BRINP3: variants seen among roughly 807,000 people sequenced by gnomAD.
BRINP3 encodes the protein BMP/retinoic acid-inducible neural-specific protein 3.
A neutral mutation model predicts 71.0 loss-of-function variants in BRINP3; 19 were observed. The ratio of observed to expected loss-of-function variants is 0.27; its 90% CI spans 0.19 to 0.39. The LOEUF is 0.39. BRINP3 is among the 10% of genes least tolerant of loss of function. The pLI is 1.00. For missense variants in BRINP3, 959 were observed against 940.8 expected (o/e 1.02, Z -0.25); for synonymous variants, 380 against 337.7 (o/e 1.13, Z -1.37).
chr1:190,286,013 A>G (rs1263941064), intron 2 of BRINP3, among the ~76,000 whole-genome samples: 1 of 152,164 alleles, frequency 6.6e-6, no homozygotes, highest in Non-Finnish European at 1.5e-5. Flanking sequence ...AAGTCTTTCA[A>G]TTAAATAGGC....
At chr1:190,192,481 T>C (rs1654121953) in intron 6 of BRINP3, among the ~76,000 whole-genome samples, 1 of 152,016 alleles carries the variant, frequency 6.6e-6, no homozygotes, top group African/African-American at 2.4e-5. Context: ...ATATGTTCCA[T>C]GAACCAGCAT....
chr1:190,152,589 T>G (rs2102427454), intron 7 of BRINP3, among the ~76,000 whole-genome samples: 1 of 114,554 alleles, frequency 8.7e-6, no homozygotes, highest in South Asian at 3.1e-4. Flanking sequence ...ATTGTCAAAA[T>G]CAGCTATCTA....
chr1:190,372,895 A>G (rs1669952196), intron 2 of BRINP3, among the ~76,000 whole-genome samples: 2 of 152,190 alleles, frequency 1.3e-5, no homozygotes, highest in African/African-American at 4.8e-5. Context: ...TAATATCAAC[A>G]AAAAATCTAA....
intron 1 of BRINP3, among the ~76,000 whole-genome samples, chr1:190,466,719 C>T (rs144276480): frequency 0.018 from 2,744 of 151,520 alleles, 51 homozygotes; most frequent in Middle Eastern, 0.051. Context: ...GTAGTTTAGG[C>T]AACATGAGGC....
At chr1:190,392,812 T>A (rs1288189618) in intron 2 of BRINP3, among the ~76,000 whole-genome samples, 2 of 151,688 alleles carry the variant, frequency 1.3e-5, no homozygotes, top group Admixed American at 6.6e-5. Flanking sequence ...AATTAATAAA[T>A]AATTTGAGGC....
chr1:190,447,030 A>G (rs1675263280), intron 2 of BRINP3, among the ~76,000 whole-genome samples: 1 of 151,898 alleles, frequency 6.6e-6, no homozygotes, highest in African/African-American at 2.4e-5. Context: ...TTCATAATTT[A>G]AGTTAGAAGG....
chr1:190,293,255 C>CT (rs1444399727), intron 2 of BRINP3, among the ~76,000 whole-genome samples: 1 of 151,726 alleles, frequency 6.6e-6, no homozygotes, highest in Non-Finnish European at 1.5e-5. Flanking sequence ...TTAAATTTTT[C>CT]TTTTTTAATT....
At chr1:190,417,081 C>A (rs921398167) in intron 2 of BRINP3, among the ~76,000 whole-genome samples, 2 of 152,028 alleles carry the variant, frequency 1.3e-5, no homozygotes, top group African/African-American at 4.8e-5. Context: ...GAACTTACAC[C>A]TCAGAATTGT....
intron 6 of BRINP3, among the ~76,000 whole-genome samples, chr1:190,174,364 A>C (rs143721824): frequency 2.0e-4 from 30 of 152,260 alleles, no homozygotes; most frequent in South Asian, 1.0e-3. Context: ...TGGATAGAAA[A>C]AATATAAAAC....
chr1:190,343,311 A>C (rs1006778013), intron 2 of BRINP3, among the ~76,000 whole-genome samples: 3 of 151,826 alleles, frequency 2.0e-5, no homozygotes, highest in Non-Finnish European at 4.4e-5. Flanking sequence ...TTAAGGCTAG[A>C]GTTTGAGAGA....
intron 2 of BRINP3, among the ~76,000 whole-genome samples, chr1:190,393,425 T>C (rs1397340569): frequency 2.0e-5 from 3 of 151,494 alleles, no homozygotes; most frequent in Non-Finnish European, 3.0e-5. Context: ...GAGAACTCCA[T>C]GGGGAAGGAG....
intron 6 of BRINP3, among the ~76,000 whole-genome samples, chr1:190,163,734 C>G (rs1481604925): frequency 6.6e-6 from 1 of 152,044 alleles, no homozygotes; most frequent in Non-Finnish European, 1.5e-5. Flanking sequence ...TGGACTACTA[C>G]TACTTCTCCA....
intron 2 of BRINP3, among the ~76,000 whole-genome samples, chr1:190,444,483 G>C (rs998643620): frequency 2.0e-5 from 3 of 150,592 alleles, no homozygotes; most frequent in African/African-American, 7.3e-5. Flanking sequence ...TATTTCCTAG[G>C]TTTGTTTATA....
chr1:190,327,456 G>T, intron 2 of BRINP3, among the ~76,000 whole-genome samples: 1 of 131,710 alleles, frequency 7.6e-6, no homozygotes, highest in Non-Finnish European at 1.6e-5. Context: ...AAAGGAAAAA[G>T]TTGGAGAGAG....
At chr1:190,177,901 A>T (rs1358474125) in intron 6 of BRINP3, among the ~76,000 whole-genome samples, 1 of 152,220 alleles carries the variant, frequency 6.6e-6, no homozygotes, top group Non-Finnish European at 1.5e-5. Context: ...TGTACTGTAC[A>T]TGTACAAACT....
chr1:190,302,200 T>A (rs1664785769), intron 2 of BRINP3, among the ~76,000 whole-genome samples: 3 of 149,382 alleles, frequency 2.0e-5, no homozygotes, highest in South Asian at 4.2e-4. Context: ...TCCACCTTGG[T>A]GTTGCACATT....
chr1:190,453,971 C>T (rs780172632), intron 2 of BRINP3, among the ~76,000 whole-genome samples: 1 of 152,138 alleles, frequency 6.6e-6, no homozygotes, highest in Non-Finnish European at 1.5e-5. Context: ...CATCAGGCAA[C>T]CACTTGTACA....
intron 2 of BRINP3, among the ~76,000 whole-genome samples, chr1:190,347,483 A>C (rs946486996): frequency 3.3e-5 from 5 of 152,058 alleles, no homozygotes; most frequent in Admixed American, 6.6e-5. Flanking sequence ...GCAAAATTGG[A>C]ATTTTATATC....
intron 7 of BRINP3, among the ~76,000 whole-genome samples, chr1:190,130,115 G>A (rs1654416932): frequency 6.6e-6 from 1 of 151,952 alleles, no homozygotes; most frequent in Admixed American, 6.6e-5. Context: ...GACTTTTGAT[G>A]TGTTTCTTAT....
Sources: gnomAD v4.1 joint callset for allele counts (sites outside exome capture counted in the v4.1 genomes callset) on GRCh38, gnomAD v4.1.1 for gene constraint, MANE v1.5 for transcripts, NCBI Gene and HGNC (gene_info 2026-07-23, HGNC 2026-07-21) for gene names.